The following RAB28 variants were observed in gnomAD, a reference collection of about 807,000 sequenced individuals.
RAB28 encodes the protein RAB28, member RAS oncogene family, also known as ras-related protein Rab-28.
Under a neutral mutation model 31.7 loss-of-function variants are expected in RAB28, and 24 were observed. That is an observed-to-expected ratio of 0.76 (90% confidence interval 0.55 to 1.06). The LOEUF (loss-of-function observed/expected upper bound fraction) is 1.06, where lower values mean the gene tolerates loss of function less well. Among genes scored for constraint, RAB28 ranks in the 50% least tolerant of loss-of-function variants. The probability of loss-of-function intolerance (pLI) is 0.00; values close to 1 mark genes in which losing one functional copy is unlikely to be tolerated. For synonymous variants in RAB28, 100 were observed against 90.4 expected, an observed-to-expected ratio of 1.11 and a Z score of -0.60; for missense variants, 254 against 258.5, an observed-to-expected ratio of 0.98 and a Z score of 0.12.
intron 4 of RAB28, among the ~76,000 whole-genome samples, chr4:13,406,514 C>T (rs189582977): frequency 6.6e-6 from 1 of 152,212 alleles, no homozygotes; most frequent in African/African-American, 2.4e-5. Context: ...TGGGTATATA[C>T]CCAGTAATGG....
chr4:13,426,709 T>C (rs939722035), intron 4 of RAB28, among the ~76,000 whole-genome samples: 1 of 152,168 alleles, frequency 6.6e-6, no homozygotes, highest in African/African-American at 2.4e-5. Flanking sequence ...TCAACAAGTA[T>C]TTGCTAAATA....
rs1199771803 is a variant in RAB28 at position 13,379,518 on chromosome 4, G to T, written c.495+1973C>A. 3.3e-5 allele frequency among the ~76,000 whole-genome samples: 5 copies of T among 152,282 alleles called. 1 individual carries two copies. The East Asian group carries it at 9.7e-4, about 29-fold the overall frequency. The stretch of plus-strand genomic sequence containing the variant: ...GGACTGGCCATGAGATTTAAGCTCA[G>T]AAGAGAGAAAAATGAAGACATGAAA... On this transcript the variant is annotated intron_variant, in intron 5 of 6. Coordinates refer to ENST00000330852, the MANE Select transcript of RAB28 (RefSeq NM_001017979.3).
intron 4 of RAB28, among the ~76,000 whole-genome samples, chr4:13,414,114 C>G (rs1712612454): frequency 6.6e-6 from 1 of 152,194 alleles, no homozygotes; most frequent in Admixed American, 6.5e-5. Flanking sequence ...GCACGAGTCT[C>G]TGCACTCAGA....
At chr4:13,406,024 T>C (rs1013967371) in intron 4 of RAB28, among the ~76,000 whole-genome samples, 1 of 152,196 alleles carries the variant, frequency 6.6e-6, no homozygotes, top group Non-Finnish European at 1.5e-5. Context: ...ATTATACTTT[T>C]AAGTTTTGGG....
intron 4 of RAB28, among the ~76,000 whole-genome samples, chr4:13,403,124 A>C (rs2108902171): frequency 1.3e-5 from 2 of 152,250 alleles, no homozygotes; most frequent in East Asian, 3.9e-4. Context: ...GAAGTAACTA[A>C]TGAATTCTGC....
intron 4 of RAB28, among the ~76,000 whole-genome samples, chr4:13,428,253 T>C (rs187940216): frequency 6.6e-6 from 1 of 152,150 alleles, no homozygotes; most frequent in Non-Finnish European, 1.5e-5. Context: ...GAGGCAGAAA[T>C]TGGGCATAAG....
chr4:13,397,328 ACTATGGATAG>A (rs1729913035), intron 4 of RAB28, among the ~76,000 whole-genome samples: 1 of 152,106 alleles, frequency 6.6e-6, no homozygotes. Context: ...AAAGATCAAG[ACTATGGATAG>A]CAGTTACTTC....
intron 4 of RAB28, among the ~76,000 whole-genome samples, chr4:13,423,947 G>A (rs1173801470): frequency 6.6e-6 from 1 of 151,756 alleles, no homozygotes; most frequent in African/African-American, 2.4e-5. Context: ...AAGCTTGGAG[G>A]TACAAAAGGT....
intron 4 of RAB28, among the ~76,000 whole-genome samples, chr4:13,412,122 C>A (rs1181001247): frequency 6.6e-6 from 1 of 151,916 alleles, no homozygotes; most frequent in Admixed American, 6.6e-5. Flanking sequence ...CAAATTCAGT[C>A]AAGGTAAACA....
At chr4:13,399,011 T>C (rs1243615335) in intron 4 of RAB28, among the ~76,000 whole-genome samples, 5 of 152,164 alleles carry the variant, frequency 3.3e-5, no homozygotes, top group African/African-American at 1.2e-4. Flanking sequence ...CACTATTCTA[T>C]AGGCATTTTA....
intron 4 of RAB28, among the ~76,000 whole-genome samples, chr4:13,409,856 C>T (rs1272032535): frequency 6.6e-6 from 1 of 152,132 alleles, no homozygotes; most frequent in African/African-American, 2.4e-5. Flanking sequence ...CAGGTCCCTG[C>T]CTGCTATAAT....
chr4:13,383,970 A>T (rs569197632), intron 4 of RAB28, among the ~76,000 whole-genome samples: 3 of 152,254 alleles, frequency 2.0e-5, no homozygotes, highest in Admixed American at 2.0e-4. Context: ...TCTTGGATGT[A>T]CTGGGGGTCC....
Position 13,470,246 on chromosome 4 carries a change from T to A in RAB28, c.261+4072A>T, listed in dbSNP as rs1178519868. On this transcript the variant is annotated intron_variant, in intron 3 of 6. Coordinates refer to ENST00000330852, the MANE Select transcript of RAB28 (RefSeq NM_001017979.3). ...AATGAATTAAATCATACAGATTATATAATAGCCATAACAACATAGATCTTG... is the reference window on the plus strand; with the variant it reads ...AATGAATTAAATCATACAGATTATAAAATAGCCATAACAACATAGATCTTG... Among the ~76,000 whole-genome samples, 3 of 152,090 alleles carry A rather than the reference T, an allele frequency of 2.0e-5. No homozygotes were observed. In the East Asian group the frequency reaches 5.8e-4, roughly 29 times the overall value.
At chr4:13,446,895 A>C (rs1221863140) in intron 4 of RAB28, among the ~76,000 whole-genome samples, 2 of 152,114 alleles carry the variant, frequency 1.3e-5, no homozygotes, top group African/African-American at 4.8e-5. Context: ...CTTAATAAGC[A>C]CCTCACACTT....
At chr4:13,387,835 T>C (rs1211921671) in intron 4 of RAB28, among the ~76,000 whole-genome samples, 5 of 152,082 alleles carry the variant, frequency 3.3e-5, no homozygotes, top group East Asian at 1.9e-4. Flanking sequence ...CATTTTTGAA[T>C]GCCAGACAAA....
At chr4:13,420,091 C>T (rs1351079941) in intron 4 of RAB28, among the ~76,000 whole-genome samples, 2 of 152,194 alleles carry the variant, frequency 1.3e-5, no homozygotes, top group Non-Finnish European at 2.9e-5. Flanking sequence ...ACAGATCCCA[C>T]AGAAATATAA....
In RAB28 at chr4:13,369,956, T is replaced by C; in HGVS notation, c.574-1306A>G. 1.2e-6 allele frequency: 2 copies of C among 1,610,894 alleles called. No homozygotes were observed. Among genetic ancestry groups the C allele is most frequent in the Non-Finnish European group, 1.7e-6 (2 of 1,179,010 alleles). On this transcript the variant is annotated intron_variant, in intron 6 of 6. Transcript: ENST00000330852. ...TCCGGGTACTTCACTATTTCTGCCC[T>C]GACAATACGCTGTCAATTCCATACA...
chr4:13,480,225 G>A (rs1716548479), intron 1 of RAB28, among the ~76,000 whole-genome samples: 1 of 151,642 alleles, frequency 6.6e-6, no homozygotes, highest in Non-Finnish European at 1.5e-5. Flanking sequence ...GAAACTGAAA[G>A]TTTTAGTCAA....
chr4:13,450,257 A>G (rs1015675214), intron 4 of RAB28, among the ~76,000 whole-genome samples: 6 of 152,012 alleles, frequency 3.9e-5, no homozygotes, highest in African/African-American at 1.4e-4. Context: ...GGATTTAAGA[A>G]GCAAACTTCC....
Sources: gnomAD v4.1 joint callset for allele counts (sites outside exome capture counted in the v4.1 genomes callset) on GRCh38, gnomAD v4.1.1 for gene constraint, MANE v1.5 for transcripts, NCBI Gene and HGNC (gene_info 2026-07-23, HGNC 2026-07-21) for gene names.